Variants in BCAR3 observed in about 807,000 individuals in gnomAD.
BCAR3 encodes the protein BCAR3 adaptor protein, NSP family member.
Under a neutral mutation model 80.1 loss-of-function variants are expected in BCAR3, and 37 were observed. That is an observed-to-expected ratio of 0.46 (90% CI 0.36 to 0.61). The LOEUF is 0.61. Ranked by LOEUF, BCAR3 falls within the 20% of genes least tolerant of loss-of-function variation. BCAR3 has a pLI of 0.00. For missense variants in BCAR3, 978 were observed against 1,068.2 expected (o/e 0.92, Z 1.18); for synonymous variants, 389 against 418.9 (o/e 0.93, Z 0.87).
intron 2 of BCAR3, among the ~76,000 whole-genome samples, chr1:93,728,765 TCCTC>T (rs1316840149): frequency 1.3e-5 from 2 of 152,164 alleles, no homozygotes; most frequent in Non-Finnish European, 2.9e-5. Context: ...ACTTGTGTCT[TCCTC>T]CACCGATCTG....
At chr1:93,748,851 T>C (rs181535172) in intron 2 of BCAR3, among the ~76,000 whole-genome samples, 3 of 152,182 alleles carry the variant, frequency 2.0e-5, no homozygotes, top group African/African-American at 7.2e-5. Context: ...TCCAGCTAGA[T>C]TGGGGTACAT....
intron 2 of BCAR3, among the ~76,000 whole-genome samples, chr1:93,663,847 T>G (rs1647773279): frequency 6.6e-6 from 1 of 152,200 alleles, no homozygotes; most frequent in Admixed American, 6.5e-5. Context: ...TTCACATCCT[T>G]AAACAGAAGA....
At chr1:93,567,081 A>C (rs1672982557) in intron 11 of BCAR3, among the ~76,000 whole-genome samples, 198 bp downstream of exon 11, 1 of 152,212 alleles carries the variant, frequency 6.6e-6, no homozygotes, top group Non-Finnish European at 1.5e-5. Context: ...TGAACAACAG[A>C]ACACACAAGG....
upstream of BCAR3, among the ~76,000 whole-genome samples, chr1:93,685,486 A>G (rs1571043860): frequency 6.6e-6 from 1 of 152,196 alleles, no homozygotes; most frequent in Admixed American, 6.5e-5. Flanking sequence ...AGATTTTCAT[A>G]TATTAGTACA....
chr1:93,603,948 A>C (rs924262659), intron 3 of BCAR3, among the ~76,000 whole-genome samples: 4 of 152,236 alleles, frequency 2.6e-5, no homozygotes, highest in Non-Finnish European at 5.9e-5. Flanking sequence ...AATTTCAATA[A>C]GTTTTAGCAT....
chr1:93,590,520 T>C (rs1376477907), intron 4 of BCAR3: 1 of 152,256 alleles, frequency 6.6e-6, no homozygotes, highest in Non-Finnish European at 1.5e-5. Context: ...TGAAAATTAA[T>C]ACTCATGCAA....
At chr1:93,771,547 G>A (rs1379155938) in intron 2 of BCAR3, among the ~76,000 whole-genome samples, 5 of 152,166 alleles carry the variant, frequency 3.3e-5, no homozygotes, top group Admixed American at 1.3e-4. Context: ...AAGTGAACCA[G>A]GCATCAAGGG....
intron 2 of BCAR3, among the ~76,000 whole-genome samples, chr1:93,731,460 A>G (rs1248990059): frequency 6.6e-6 from 1 of 152,076 alleles, no homozygotes; most frequent in Non-Finnish European, 1.5e-5. Flanking sequence ...GAGAGGCACA[A>G]CAACGATTCT....
Position 93,582,844 on chromosome 1 carries a change from C to A in BCAR3, c.1143G>T (p.Arg381Ser). ...EPALSPAVVR[R>S]VSSDARAGEA... ...CCCCAGCCCTGGCGTCTGAGGAGAC[C>A]CTCCGAACCACTGCTGGGCTCAGGG... The change falls in exon 7 of 12, where the codon AGG (arginine) becomes AGT (serine). Residue 381 changes from arginine to serine, a missense_variant. By Grantham distance (110) the Arg-to-Ser change is moderately radical (BLOSUM62 -1). Coordinates refer to ENST00000260502, the MANE Select transcript of BCAR3 (RefSeq NM_003567.4). The A allele has an allele frequency of 1.2e-6, 2 of 1,613,362 alleles. No individual in the cohort carries two copies. The highest frequency in any genetic ancestry group is 1.6e-4 in the Middle Eastern group (1 of 6,062).
chr1:93,699,935 T>C (rs1649576779), intron 3 of BCAR3, among the ~76,000 whole-genome samples: 1 of 152,118 alleles, frequency 6.6e-6, no homozygotes, highest in Non-Finnish European at 1.5e-5. Context: ...GGCTCCCAGA[T>C]GCTGCCCTGC....
intron 3 of BCAR3, among the ~76,000 whole-genome samples, chr1:93,630,522 T>C (rs1675586500): frequency 6.6e-6 from 1 of 151,752 alleles, no homozygotes; most frequent in Admixed American, 6.6e-5. Flanking sequence ...TAGACCCAGC[T>C]ACTCATGAGG....
intron 3 of BCAR3, among the ~76,000 whole-genome samples, chr1:93,691,484 T>G (rs1649185736): frequency 6.6e-6 from 1 of 152,172 alleles, no homozygotes; most frequent in African/African-American, 2.4e-5. Context: ...TTACAGGAGT[T>G]ATCATTCTAC....
At chr1:93,643,041 A>G (rs1406013614) in intron 2 of BCAR3, among the ~76,000 whole-genome samples, 3 of 151,920 alleles carry the variant, frequency 2.0e-5, no homozygotes, top group Non-Finnish European at 2.9e-5. Flanking sequence ...CAGCCCGACC[A>G]GCATGGAGAA....
chr1:93,677,480 C>CAAGT (rs924814776), intron 1 of BCAR3, among the ~76,000 whole-genome samples: 1 of 152,140 alleles, frequency 6.6e-6, no homozygotes, highest in Non-Finnish European at 1.5e-5. Context: ...AGTCTGTACC[C>CAAGT]AAGTAGGTGA....
chr1:93,614,536 C>T (rs1158562179), intron 3 of BCAR3, among the ~76,000 whole-genome samples: 1 of 152,108 alleles, frequency 6.6e-6, no homozygotes, highest in African/African-American at 2.4e-5. Flanking sequence ...GATCCCTGTC[C>T]TCACTCTCCC....
chr1:93,576,926 G>A (rs1025628116), intron 7 of BCAR3, among the ~76,000 whole-genome samples: 1 of 152,184 alleles, frequency 6.6e-6, no homozygotes, highest in Non-Finnish European at 1.5e-5. Flanking sequence ...AGGCCAAGGT[G>A]GGGGGACTGC....
intron 2 of BCAR3, among the ~76,000 whole-genome samples, chr1:93,669,409 A>G (rs1037608138): frequency 6.6e-6 from 1 of 152,210 alleles, no homozygotes; most frequent in Non-Finnish European, 1.5e-5. Context: ...AGGGTAGGTT[A>G]CTTACTGCCT....
At chr1:93,582,159 G>T in intron 7 of BCAR3, 142 bp downstream of exon 7, 1 of 1,109,566 alleles carries the variant, frequency 9.0e-7, no homozygotes. Context: ...TTTCCTATGG[G>T]CAAAGCATTT....
intron 2 of BCAR3, among the ~76,000 whole-genome samples, chr1:93,723,894 A>G (rs1650492095): frequency 6.6e-6 from 1 of 152,104 alleles, no homozygotes; most frequent in South Asian, 2.1e-4. Flanking sequence ...CCCTGCTCTT[A>G]TTTTCCCATC....
Sources: allele counts gnomAD v4.1 joint callset (sites outside exome capture counted in the v4.1 genomes callset), GRCh38; gene constraint gnomAD v4.1.1; transcripts MANE v1.5; gene names NCBI Gene and HGNC (gene_info 2026-07-23, HGNC 2026-07-21).